The following LVRN variants were observed in gnomAD, a reference collection of about 807,000 sequenced individuals.
LVRN encodes the protein laeverin, also known as aminopeptidase Q.
A neutral mutation model predicts 111.4 loss-of-function variants in LVRN; 99 were observed. The observed-to-expected ratio is 0.89, with a 90% CI of 0.76 to 1.05. The LOEUF (loss-of-function observed/expected upper bound fraction) is 1.05, where lower values mean the gene tolerates loss of function less well. Ranked by LOEUF, LVRN falls within the 50% of genes least tolerant of loss-of-function variation. The probability of loss-of-function intolerance (pLI) is 0.00; values close to 1 mark genes in which losing one functional copy is unlikely to be tolerated. For missense variants in LVRN, 1,414 were observed against 1,206.8 expected (o/e 1.17, Z -2.54); for synonymous variants, 488 against 449.5 (o/e 1.09, Z -1.08).
intron 6 of LVRN, among the ~76,000 whole-genome samples, chr5:115,999,085 TCCA>T (rs1748181715): frequency 6.6e-6 from 1 of 152,190 alleles, no homozygotes; most frequent in South Asian, 2.1e-4. Flanking sequence ...GTATAACTTC[TCCA>T]CTGGTCTTTG....
At chr5:115,971,228 G>C (rs180876894) in intron 1 of LVRN, among the ~76,000 whole-genome samples, 30 of 152,188 alleles carry the variant, frequency 2.0e-4, no homozygotes, top group African/African-American at 7.0e-4. Context: ...GTTGAATTTA[G>C]AGAGGATCTT....
intron 13 of LVRN, among the ~76,000 whole-genome samples, chr5:116,006,536 C>T (rs917456690): frequency 5.9e-5 from 9 of 152,058 alleles, no homozygotes; most frequent in African/African-American, 2.2e-4. Context: ...CATGACTTTG[C>T]TATTATTGAC....
chr5:115,962,924 G>C lies in LVRN; in HGVS notation c.307G>C (p.Val103Leu). ...CCAGCTACGCCTGCCGCCCTGGCTC[G>C]TGCCGCTGCACTACGATCTGGAGCT... is the stretch of plus-strand genomic sequence containing the variant. ...WDQLRLPPWL[V>L]PLHYDLELWP... The change falls in exon 1 of 20, where the codon GTG becomes CTG. Residue 103 changes from valine to leucine, a missense_variant. Coordinates refer to ENST00000357872, the MANE Select transcript of LVRN (RefSeq NM_173800.5). 4 of 1,612,892 alleles carry C rather than the reference G, an allele frequency of 2.5e-6. No individual in the cohort carries two copies. In the South Asian group the frequency reaches 3.3e-5, roughly 13 times the overall value.
At chr5:115,966,264 T>C (rs1298308920) in intron 1 of LVRN, among the ~76,000 whole-genome samples, 1 of 152,194 alleles carries the variant, frequency 6.6e-6, no homozygotes, top group Non-Finnish European at 1.5e-5. Context: ...ACTAATCCGT[T>C]CCATCTTTGT....
chr5:115,971,731 C>T (rs1753331668), intron 1 of LVRN, among the ~76,000 whole-genome samples: 1 of 152,004 alleles, frequency 6.6e-6, no homozygotes, highest in Non-Finnish European at 1.5e-5. Context: ...CTTTGTAATA[C>T]ATCTTGAAAC....
chr5:115,983,455 T>C, intron 2 of LVRN, 26 bp downstream of exon 2: 1 of 1,571,332 alleles, frequency 6.4e-7, no homozygotes, highest in Non-Finnish European at 8.6e-7. Context: ...TGTCTATATC[T>C]AGCTGTCTAT....
intron 19 of LVRN, among the ~76,000 whole-genome samples, chr5:116,025,639 G>T (rs1201051800): frequency 6.6e-6 from 1 of 152,092 alleles, no homozygotes; most frequent in African/African-American, 2.4e-5. Flanking sequence ...TAAAAAATTG[G>T]GGGGGTTCAC....
Position 116,026,044 on chromosome 5 carries a change from AC to A in LVRN, c.2900del (p.Thr967LysfsTer2). ...GATCAGAGTTCATGCCAACTTACAGACAATAAAGAATGAAAATCTGAAAAAC... is the reference window on the plus strand; with the variant it reads ...GATCAGAGTTCATGCCAACTTACAGAAATAAAGAATGAAAATCTGAAAAAC... The part of the protein sequence containing the change: ...QRIRVHANLQ[T>X]IKNENLKNKK... On this transcript the variant is annotated frameshift_variant, in exon 20 of 20. Coordinates refer to ENST00000357872, the MANE Select transcript of LVRN (RefSeq NM_173800.5). LOFTEE classifies it high-confidence loss of function. The A allele has an allele frequency of 1.2e-6, 2 of 1,613,964 alleles. No homozygotes were observed. Among genetic ancestry groups the A allele is most frequent in the Non-Finnish European group, 1.7e-6 (2 of 1,179,882 alleles).
intron 6 of LVRN, among the ~76,000 whole-genome samples, chr5:115,998,634 T>C (rs1748170409): frequency 6.6e-6 from 1 of 152,206 alleles, no homozygotes; most frequent in Non-Finnish European, 1.5e-5. Context: ...ATCAGACCTA[T>C]GCAGATGACT....
intron 8 of LVRN, 34 bp downstream of exon 8, chr5:116,000,532 A>G: frequency 6.2e-7 from 1 of 1,613,014 alleles, no homozygotes; most frequent in East Asian, 2.2e-5. Flanking sequence ...CCTGGATGGC[A>G]GTAAACATAA....
chr5:115,982,875 T>C (rs994374523), intron 1 of LVRN, among the ~76,000 whole-genome samples: 1 of 151,780 alleles, frequency 6.6e-6, no homozygotes, highest in Non-Finnish European at 1.5e-5. Context: ...AGAAAAAAAA[T>C]AGACATTCTT....
chr5:115,965,237 T>A (rs114609424), intron 1 of LVRN, among the ~76,000 whole-genome samples: 1 of 152,280 alleles, frequency 6.6e-6, no homozygotes, highest in South Asian at 2.1e-4. Context: ...ACCTGCCAAG[T>A]TCCTGGTATA....
At chr5:116,013,457 TC>T (rs1420510785) in intron 15 of LVRN, among the ~76,000 whole-genome samples, 1 of 152,118 alleles carries the variant, frequency 6.6e-6, no homozygotes, top group Non-Finnish European at 1.5e-5. Flanking sequence ...TTTTATAGCA[TC>T]CCAGGGACAG....
intron 3 of LVRN, among the ~76,000 whole-genome samples, chr5:115,986,418 C>T (rs141877964): frequency 5.3e-4 from 80 of 152,226 alleles, no homozygotes; most frequent in African/African-American, 1.6e-3. Context: ...ATTCTTGTAG[C>T]GGGATGATAT....
chr5:115,969,599 C>A (rs527753691), intron 1 of LVRN, among the ~76,000 whole-genome samples: 12 of 151,918 alleles, frequency 7.9e-5, no homozygotes, highest in African/African-American at 2.9e-4. Flanking sequence ...AGATCAAGAC[C>A]ATCCTGGCTA....
At chr5:115,964,987 T>G (rs1380578037) in intron 1 of LVRN, among the ~76,000 whole-genome samples, 1 of 152,162 alleles carries the variant, frequency 6.6e-6, no homozygotes. Flanking sequence ...TACGCCAGAT[T>G]CTGGGAGCCC....
chr5:116,008,397 G>A (rs1267694566), intron 13 of LVRN, among the ~76,000 whole-genome samples: 2 of 151,986 alleles, frequency 1.3e-5, no homozygotes, highest in Admixed American at 6.6e-5. Context: ...ACCCTACAAT[G>A]GCCTTTAGGG....
At chr5:115,989,410 C>T (rs1747937647) in intron 4 of LVRN, among the ~76,000 whole-genome samples, 1 of 152,152 alleles carries the variant, frequency 6.6e-6, no homozygotes, top group African/African-American at 2.4e-5. Context: ...CTGGTTAATT[C>T]AATTCTGTTT....
intron 7 of LVRN, 76 bp from the exon 8 acceptor site, chr5:116,000,357 T>C: frequency 6.4e-7 from 1 of 1,553,988 alleles, no homozygotes; most frequent in African/African-American, 1.4e-5. Flanking sequence ...CTCAGAATAT[T>C]GCTTATAAAT....
Sources: gnomAD v4.1 joint callset for allele counts (sites outside exome capture counted in the v4.1 genomes callset) on GRCh38, gnomAD v4.1.1 for gene constraint, MANE v1.5 for transcripts, NCBI Gene and HGNC (gene_info 2026-07-23, HGNC 2026-07-21) for gene names.